Variants in SFMBT1 observed in about 807,000 individuals in gnomAD.
The protein encoded by SFMBT1 is Scm like with four mbt domains 1.
In SFMBT1, 32 loss-of-function variants were observed where a neutral mutation model predicts 108.7. The ratio of observed to expected loss-of-function variants is 0.29; its 90% CI spans 0.22 to 0.40. SFMBT1 has a LOEUF of 0.40. SFMBT1 is among the 10% of genes least tolerant of loss of function. The pLI is 1.00. For missense variants in SFMBT1, 816 were observed against 1,059.6 expected (o/e 0.77, Z 3.19); for synonymous variants, 348 against 369.5 (o/e 0.94, Z 0.67).
intron 1 of SFMBT1, among the ~76,000 whole-genome samples, chr3:53,009,925 A>T (rs564614554): frequency 1.3e-5 from 2 of 152,222 alleles, no homozygotes; most frequent in African/African-American, 4.8e-5. Context: ...GAGTAGGCTG[A>T]AAAGGAAGAG....
rs374762290 is a variant in SFMBT1, at chr3:52,914,718, T to G, written c.1481-1101A>C. ...GATATCACTGCACTGCACTCCAGCCTGGATGACACAGCGAGACCCTGTCTC... is the reference window on the plus strand; with the variant it reads ...GATATCACTGCACTGCACTCCAGCCGGGATGACACAGCGAGACCCTGTCTC... On this transcript the variant is annotated intron_variant, in intron 14 of 20. Transcript: ENST00000394752. Among the ~76,000 whole-genome samples the G allele has an allele frequency of 3.9e-5, 6 of 152,280 alleles. 1 individual carries two copies. The East Asian group carries it at 7.7e-4, about 20-fold the overall frequency.
chr3:53,036,147 C>T (rs1699862316), intron 1 of SFMBT1, among the ~76,000 whole-genome samples: 1 of 152,174 alleles, frequency 6.6e-6, no homozygotes, highest in East Asian at 1.9e-4. Flanking sequence ...CTGACAGCAA[C>T]TCTGAGGAGC....
chr3:52,905,974 C>A, intron 20 of SFMBT1, 139 bp downstream of exon 20: 1 of 950,958 alleles, frequency 1.1e-6, no homozygotes, highest in Non-Finnish European at 1.5e-6. Flanking sequence ...ATCTTTGACT[C>A]CTAAAAATGG....
chr3:53,011,000 T>C (rs1204813479), intron 1 of SFMBT1, among the ~76,000 whole-genome samples: 1 of 152,206 alleles, frequency 6.6e-6, no homozygotes, highest in Non-Finnish European at 1.5e-5. Context: ...ACCTCCTTTG[T>C]TCTTGGTACT....
intron 1 of SFMBT1, among the ~76,000 whole-genome samples, chr3:53,022,469 AAAAG>A (rs1261190026): frequency 6.6e-6 from 1 of 151,428 alleles, no homozygotes; most frequent in Non-Finnish European, 1.5e-5. Flanking sequence ...AAAAAAAAAA[AAAAG>A]CAAACATAAG....
At chr3:52,945,136 T>TAAAAAAAAAAAAGAAAAAAAAAAAA (rs1553636663) in intron 3 of SFMBT1, among the ~76,000 whole-genome samples, 1 of 48,512 alleles carries the variant, frequency 2.1e-5, no homozygotes, top group Non-Finnish European at 4.5e-5. Flanking sequence ...ACCTTCCAAT[T>TAAAAAAAAAAAAGAAAAAAAAAAAA]AAAAAAAAAA....
At chr3:53,035,957 G>C (rs1226244364) in intron 1 of SFMBT1, among the ~76,000 whole-genome samples, 1 of 152,180 alleles carries the variant, frequency 6.6e-6, no homozygotes, top group African/African-American at 2.4e-5. Flanking sequence ...ATTTGATGAA[G>C]CTCTTTTTAA....
At chr3:53,020,224 A>T (rs1361974581) in intron 1 of SFMBT1, among the ~76,000 whole-genome samples, 1 of 152,032 alleles carries the variant, frequency 6.6e-6, no homozygotes, top group Non-Finnish European at 1.5e-5. Flanking sequence ...CCCCGTCTCT[A>T]CTAAAAACAC....
chr3:52,949,434 T>A (rs1035064848), intron 3 of SFMBT1, among the ~76,000 whole-genome samples: 8 of 152,292 alleles, frequency 5.3e-5, no homozygotes, highest in Non-Finnish European at 1.2e-4. Flanking sequence ...TAATATTGAA[T>A]CCATTTGTTT....
intron 10 of SFMBT1, among the ~76,000 whole-genome samples, chr3:52,925,025 A>AG (rs1341661753): frequency 3.9e-5 from 6 of 152,172 alleles, no homozygotes; most frequent in African/African-American, 1.2e-4. Context: ...GTTCGAGACC[A>AG]GCCTGGCCAA....
chr3:53,004,558 C>T lies in SFMBT1; in HGVS notation c.-130-35300G>A, dbSNP rs1449291956. On this transcript the variant is annotated intron_variant, in intron 1 of 20. Coordinates refer to ENST00000394752, the MANE Select transcript of SFMBT1 (RefSeq NM_016329.4). The stretch of plus-strand genomic sequence containing the variant: ...GAGTGCTGGGATTACAGGTGTGAGC[C>T]ACCACGCCTGGCCATTCTTTCTTTT... 2.7e-5 allele frequency among the ~76,000 whole-genome samples: 4 copies of T among 150,136 alleles called. 1 individual carries two copies. The South Asian group carries it at 8.5e-4, about 32-fold the overall frequency.
At chr3:52,989,331 A>G (rs567860821) in intron 1 of SFMBT1, among the ~76,000 whole-genome samples, 2 of 151,334 alleles carry the variant, frequency 1.3e-5, no homozygotes, top group South Asian at 4.2e-4. Context: ...GCCTTTTGGG[A>G]GGCTGAGGCA....
intron 3 of SFMBT1, among the ~76,000 whole-genome samples, chr3:52,943,845 A>G (rs1703273464): frequency 6.6e-6 from 1 of 152,204 alleles, no homozygotes; most frequent in Non-Finnish European, 1.5e-5. Flanking sequence ...GATTACAGAA[A>G]ATGCTTCCTA....
chr3:52,948,339 T>C (rs1421479985), intron 3 of SFMBT1, among the ~76,000 whole-genome samples: 1 of 152,172 alleles, frequency 6.6e-6, no homozygotes, highest in African/African-American at 2.4e-5. Context: ...TTAAACTTGA[T>C]ATCTAGTACA....
chr3:53,023,795 T>C (rs887464001), intron 1 of SFMBT1, among the ~76,000 whole-genome samples: 3 of 152,214 alleles, frequency 2.0e-5, no homozygotes, highest in Non-Finnish European at 2.9e-5. Flanking sequence ...TTGTAAACAA[T>C]TCCTAGAATT....
intron 1 of SFMBT1, among the ~76,000 whole-genome samples, chr3:53,038,010 C>G (rs1454697638): frequency 2.0e-5 from 3 of 152,116 alleles, no homozygotes; most frequent in Non-Finnish European, 2.9e-5. Context: ...ACTCGGGAGG[C>G]TGAGGTAGTA....
chr3:52,927,807 G>A lies in SFMBT1; in HGVS notation c.1048+384C>T, dbSNP rs553113644. On this transcript the variant is annotated intron_variant, in intron 9 of 20. Transcript: ENST00000394752. Reference sequence around the variant, plus strand: ...ATCTACCTTCTAACTCTGGCTCTACGGCCTCTTCTCACAAGCCAGCCCCCA... The same window carrying A: ...ATCTACCTTCTAACTCTGGCTCTACAGCCTCTTCTCACAAGCCAGCCCCCA... Among the ~76,000 whole-genome samples, 179 of 152,122 alleles carry A rather than the reference G, an allele frequency of 1.2e-3. 2 individuals carry two copies. The highest frequency in any genetic ancestry group is 3.9e-3 in the African/African-American group (163 of 41,488).
intron 1 of SFMBT1, among the ~76,000 whole-genome samples, chr3:53,044,159 C>G (rs994322685): frequency 2.0e-5 from 3 of 151,458 alleles, no homozygotes; most frequent in African/African-American, 7.3e-5. Context: ...ATCTAGCTAC[C>G]AAGATGTTTT....
chr3:52,952,130 G>A (rs967624678), intron 3 of SFMBT1, among the ~76,000 whole-genome samples: 16 of 152,012 alleles, frequency 1.1e-4, no homozygotes, highest in African/African-American at 1.9e-4. Flanking sequence ...AGGCTGAGGC[G>A]GGCGGATCAC....
Sources: allele counts gnomAD v4.1 joint callset (sites outside exome capture counted in the v4.1 genomes callset), GRCh38; gene constraint gnomAD v4.1.1; transcripts MANE v1.5; gene names NCBI Gene and HGNC (gene_info 2026-07-23, HGNC 2026-07-21).